ZBTB20: variants seen among roughly 807,000 people sequenced by gnomAD.
ZBTB20 encodes the protein zinc finger and BTB domain containing 20.
A neutral mutation model predicts 56.9 loss-of-function variants in ZBTB20; 9 were observed. That is an observed-to-expected ratio of 0.16 (90% CI 0.10 to 0.28). The LOEUF is 0.28. Ranked by LOEUF, ZBTB20 falls within the 10% of genes least tolerant of loss-of-function variation. The pLI is 1.00. For missense variants in ZBTB20, 655 were observed against 1,003.0 expected, an observed-to-expected ratio of 0.65 and a Z score of 4.69; for synonymous variants, 417 against 420.7, an observed-to-expected ratio of 0.99 and a Z score of 0.11.
chr3:115,032,378 G>C (rs1454392292), intron 2 of ZBTB20, among the ~76,000 whole-genome samples: 1 of 151,320 alleles, frequency 6.6e-6, no homozygotes, highest in African/African-American at 2.4e-5. Context: ...GGAGACACAA[G>C]GAAGGAGAAG....
At chr3:115,073,728 A>G (rs1456907254) in intron 1 of ZBTB20, among the ~76,000 whole-genome samples, 2 of 151,894 alleles carry the variant, frequency 1.3e-5, no homozygotes, top group Non-Finnish European at 2.9e-5. Flanking sequence ...ATATAAGGAG[A>G]TATTTATAAT....
intron 5 of ZBTB20, among the ~76,000 whole-genome samples, chr3:114,754,223 G>A (rs2067827787): frequency 6.6e-6 from 1 of 152,270 alleles, no homozygotes; most frequent in East Asian, 1.9e-4. Context: ...TGAGCCACCA[G>A]AAGGGAAGGG....
chr3:115,000,071 C>T (rs1273955086), intron 2 of ZBTB20, among the ~76,000 whole-genome samples: 1 of 151,292 alleles, frequency 6.6e-6, no homozygotes, highest in Non-Finnish European at 1.5e-5. Context: ...AATAAAATGC[C>T]ATCTCGTAGA....
At chr3:114,343,470 G>A (rs1000944811) in intron 11 of ZBTB20, among the ~76,000 whole-genome samples, 3 of 152,062 alleles carry the variant, frequency 2.0e-5, no homozygotes, top group Admixed American at 6.5e-5. Context: ...CTCCTCTTTC[G>A]TGAGTACAGT....
intron 6 of ZBTB20, among the ~76,000 whole-genome samples, chr3:114,685,027 T>C (rs2062243860): frequency 6.6e-6 from 1 of 152,196 alleles, no homozygotes; most frequent in Non-Finnish European, 1.5e-5. Context: ...TTTTCTTTTA[T>C]GCTCTTTCTA....
intron 7 of ZBTB20, among the ~76,000 whole-genome samples, chr3:114,407,459 C>T (rs1343780079): frequency 6.6e-6 from 1 of 152,144 alleles, no homozygotes; most frequent in Non-Finnish European, 1.5e-5. Flanking sequence ...CTTGATAGGT[C>T]TCTGATCCAT....
chr3:114,555,185 A>G (rs917272266), intron 6 of ZBTB20, among the ~76,000 whole-genome samples: 1 of 152,150 alleles, frequency 6.6e-6, no homozygotes, highest in Non-Finnish European at 1.5e-5. Flanking sequence ...TCTTCATCAT[A>G]TATTTTTCCC....
At chr3:115,025,312 T>G (rs1192698482) in intron 2 of ZBTB20, among the ~76,000 whole-genome samples, 10 of 151,394 alleles carry the variant, frequency 6.6e-5, no homozygotes, top group Non-Finnish European at 1.5e-5. Flanking sequence ...TATTCCATGG[T>G]GTATATGTAC....
intron 6 of ZBTB20, among the ~76,000 whole-genome samples, chr3:114,660,480 C>A (rs998465244): frequency 6.6e-6 from 1 of 152,184 alleles, no homozygotes; most frequent in African/African-American, 2.4e-5. Flanking sequence ...GAATTTCCCA[C>A]CCTGGCCTAG....
At chr3:114,391,069 C>T (rs918997710) in intron 7 of ZBTB20, among the ~76,000 whole-genome samples, 1 of 152,048 alleles carries the variant, frequency 6.6e-6, no homozygotes, top group Non-Finnish European at 1.5e-5. Context: ...GAATCAATAC[C>T]TGTTTTCTAT....
intron 3 of ZBTB20, among the ~76,000 whole-genome samples, chr3:114,957,731 T>C (rs1232265770): frequency 6.6e-6 from 1 of 152,198 alleles, no homozygotes; most frequent in Non-Finnish European, 1.5e-5. Context: ...TATCACCATC[T>C]AGAGATAAAT....
At chr3:114,414,531 G>A (rs2088316682) in intron 7 of ZBTB20, among the ~76,000 whole-genome samples, 1 of 151,902 alleles carries the variant, frequency 6.6e-6, no homozygotes, top group Non-Finnish European at 1.5e-5. Context: ...AGTGTTGCTA[G>A]CCTAAAGGCT....
intron 4 of ZBTB20, among the ~76,000 whole-genome samples, chr3:114,889,633 T>G (rs945178673): frequency 1.3e-5 from 2 of 152,090 alleles, no homozygotes; most frequent in African/African-American, 4.8e-5. Context: ...GGGATTGGTA[T>G]AAAACATTTA....
intron 4 of ZBTB20, among the ~76,000 whole-genome samples, chr3:114,888,103 AAAAAGAAAGAAAG>A (rs1338205152): frequency 6.6e-6 from 1 of 151,912 alleles, no homozygotes; most frequent in African/African-American, 2.4e-5. Context: ...TTAAAAAAAA[AAAAAGAAAGAAAG>A]AAAGAAAAGA....
chr3:114,790,244 T>G (rs1282379422), intron 5 of ZBTB20, among the ~76,000 whole-genome samples: 1 of 152,148 alleles, frequency 6.6e-6, no homozygotes, highest in African/African-American at 2.4e-5. Flanking sequence ...GCAAACTTCT[T>G]TAATAATAGA....
intron 4 of ZBTB20, among the ~76,000 whole-genome samples, chr3:114,833,276 ACT>A (rs1428786367): frequency 3.3e-5 from 5 of 152,134 alleles, no homozygotes; most frequent in Non-Finnish European, 7.3e-5. Context: ...TTGCATTATA[ACT>A]CTGGTTGTAT....
chr3:115,047,350 G>A (rs2081370209), intron 2 of ZBTB20, among the ~76,000 whole-genome samples: 1 of 152,282 alleles, frequency 6.6e-6, no homozygotes, highest in Admixed American at 6.5e-5. Context: ...GGAACCAGAG[G>A]AATCAGGAAG....
intron 4 of ZBTB20, among the ~76,000 whole-genome samples, chr3:114,889,150 C>T (rs2076714421): frequency 6.6e-6 from 1 of 151,784 alleles, no homozygotes; most frequent in Non-Finnish European, 1.5e-5. Context: ...CCCTAATGCA[C>T]AGAAATCCTT....
chr3:114,394,136 G>T (rs1312248707), intron 7 of ZBTB20, among the ~76,000 whole-genome samples: 1 of 152,188 alleles, frequency 6.6e-6, no homozygotes, highest in Non-Finnish European at 1.5e-5. Context: ...TTTTATCAGG[G>T]ACTGCACCAG....
Sources: allele counts gnomAD v4.1 joint callset (sites outside exome capture counted in the v4.1 genomes callset), GRCh38; gene constraint gnomAD v4.1.1; transcripts MANE v1.5; gene names NCBI Gene and HGNC (gene_info 2026-07-23, HGNC 2026-07-21).